Variants in SCN8A observed in about 807,000 individuals in gnomAD.
SCN8A encodes the protein sodium voltage-gated channel alpha subunit 8.
SCN8A carries 30 observed loss-of-function variants against 184.1 expected under a neutral mutation model. The observed-to-expected ratio is 0.16, with a 90% CI of 0.12 to 0.22. SCN8A has a LOEUF of 0.22. Ranked by LOEUF, SCN8A falls within the 10% of genes least tolerant of loss-of-function variation. The pLI is 1.00. For missense variants in SCN8A, 1,057 were observed against 2,498.9 expected (o/e 0.42, Z 12.30); for synonymous variants, 852 against 907.0 (o/e 0.94, Z 1.09).
rs1328800141 is a variant in SCN8A, at chr12:51,747,081, C to CTGTGTG, written c.2131+1048_2131+1053dup. Among the ~76,000 whole-genome samples the CTGTGTG allele has an allele frequency of 1.1e-3, 102 of 90,628 alleles. 1 individual carries two copies. The highest frequency in any genetic ancestry group is 6.8e-3 in the East Asian group (22 of 3,220). The allele number at this position is 90,628 out of a possible 152,430, so 59.5% of individuals were successfully genotyped here. The stretch of plus-strand genomic sequence containing the variant: ...ATTTAAACCCAGTGCCACTTCTACT[C>CTGTGTG]TGTGTGTATGTGTGTGTGTGTGTGT... On this transcript the variant is annotated intron_variant, in intron 13 of 26. Coordinates refer to ENST00000627620, the MANE Select transcript of SCN8A (RefSeq NM_001330260.2).
chr12:51,770,506 C>G, intron 18 of SCN8A, 23 bp from the exon 19 acceptor site: 1 of 1,559,578 alleles, frequency 6.4e-7, no homozygotes, highest in Non-Finnish European at 8.7e-7. Flanking sequence ...CACGGTCTGA[C>G]CCGCCTCTCC....
chr12:51,706,694 GAAA>G lies in SCN8A; in HGVS notation c.1615_1617del (p.Lys539del), dbSNP rs1372634228. 6.5e-7 allele frequency: 1 copy of G among 1,545,054 alleles called. No homozygotes were observed. Among genetic ancestry groups the G allele is most frequent in the Non-Finnish European group, 8.7e-7 (1 of 1,151,352 alleles). On this transcript the variant is annotated inframe_deletion, in exon 11 of 27. Coordinates refer to ENST00000627620, the MANE Select transcript of SCN8A (RefSeq NM_001330260.2). Reference sequence around the variant, plus strand: ...GGCTGCCAGACAACAGAATAGGGAGGAAATTTTCCATCATGAATCAGGTAAACT... The same window carrying G: ...GGCTGCCAGACAACAGAATAGGGAGGTTTTCCATCATGAATCAGGTAAACT...
In SCN8A at chr12:51,684,286, T is replaced by C. The variant is rs1302611294; in HGVS notation, c.389T>C (p.Ile130Thr). 2.8e-6 allele frequency: 4 copies of C among 1,454,530 alleles called. No individual in the cohort carries two copies. The highest frequency in any genetic ancestry group is 3.9e-6 in the Non-Finnish European group (4 of 1,034,498). The allele number at this position is 1,454,530 out of a possible 1,614,324, so 90.1% of individuals were successfully genotyped here. A position where few individuals can be genotyped will look rare whatever the true frequency, so the allele number is the denominator to read the frequency against. Residue 130 changes from isoleucine to threonine, a missense_variant, in exon 3 of 27, where the codon ATA becomes ACA. Around this residue, in one of 19 missense-constraint regions of SCN8A, gnomAD observed 66 missense variants for 276.4 expected, o/e 0.24. Coordinates refer to ENST00000627620, the MANE Select transcript of SCN8A (RefSeq NM_001330260.2). ...LIRRIAIKIL[I>T]HSVFSMIIMC... ...AGAAGAATAGCTATTAAAATTTTGA[T>C]ACATTCATATCCTTTTCGGCAAATG...
At chr12:51,700,169 T>TC (rs1941661441) in intron 7 of SCN8A, among the ~76,000 whole-genome samples, 3 of 114,142 alleles carry the variant, frequency 2.6e-5, no homozygotes, top group Non-Finnish European at 5.4e-5. Flanking sequence ...AAACTCCATC[T>TC]CAAAAAAAAA....
At position 51,689,096 on chromosome 12, in the gene SCN8A, G is replaced by C; in HGVS notation, c.706G>C (p.Gly236Arg). The stretch of plus-strand genomic sequence containing the variant: ...TTTGAAAACTATCTCTGTAATTCCA[G>C]GTGAGAAAATTTGTACATAAGACTG... ...RALKTISVIP[G>R]LKTIVGALIQ... is the part of the protein sequence containing the mutation. Residue 236 changes from glycine (G) to arginine (R), a missense_variant and splice_region_variant, in exon 6 of 27, where the codon GGC becomes CGC. Around this residue, in one of 19 missense-constraint regions of SCN8A, gnomAD observed 66 missense variants for 276.4 expected, o/e 0.24. Coordinates refer to ENST00000627620, the MANE Select transcript of SCN8A (RefSeq NM_001330260.2). The C allele has an allele frequency of 6.2e-7, 1 of 1,604,900 alleles. No individual in the cohort carries two copies. The highest frequency in any genetic ancestry group is 8.5e-7 in the Non-Finnish European group (1 of 1,175,086).
At chr12:51,686,235 G>C in intron 3 of SCN8A, 133 bp from the exon 4 acceptor site, 1 of 663,536 alleles carries the variant, frequency 1.5e-6, no homozygotes, top group South Asian at 1.8e-5. Context: ...TTGTCACCTT[G>C]CATTTTTCTC....
chr12:51,765,220 T>C (rs1371455880), intron 15 of SCN8A, among the ~76,000 whole-genome samples: 1 of 152,036 alleles, frequency 6.6e-6, no homozygotes, highest in Non-Finnish European at 1.5e-5. Flanking sequence ...GCAAAATAGG[T>C]ATTTAGAATT....
chr12:51,705,334 T>C lies in SCN8A; in HGVS notation c.1135-83T>C, dbSNP rs1941764873. ...CTGTACAAAATGCAAATAGTGCCCTTACAGAGGAACTTGGCCCATTAGCTG... is the reference window on the plus strand; with the variant it reads ...CTGTACAAAATGCAAATAGTGCCCTCACAGAGGAACTTGGCCCATTAGCTG... On this transcript the variant is annotated intron_variant, in intron 9 of 26. Transcript: ENST00000627620. 3.8e-6 allele frequency: 5 copies of C among 1,303,762 alleles called. No individual in the cohort carries two copies. The Admixed American group carries it at 9.5e-5, about 25-fold the overall frequency. The allele number at this position is 1,303,762 out of a possible 1,614,324, so 80.8% of individuals were successfully genotyped here.
At chr12:51,599,584 G>A (rs546747874) in intron 1 of SCN8A, among the ~76,000 whole-genome samples, 35 of 152,262 alleles carry the variant, frequency 2.3e-4, no homozygotes, top group African/African-American at 7.9e-4. Flanking sequence ...TTCATAACAT[G>A]GAGAATGTAG....
chr12:51,702,754 C>G lies in SCN8A; in HGVS notation c.993-19C>G, dbSNP rs747934147. On this transcript the variant is annotated intron_variant, in intron 8 of 26. Coordinates refer to ENST00000627620, the MANE Select transcript of SCN8A (RefSeq NM_001330260.2). Reference sequence around the variant, plus strand: ...TGGAATTATGTTGAAAAGTCCTGAACTTCCCTTTCTTTCTTTAGGCAATGC... The same window carrying G: ...TGGAATTATGTTGAAAAGTCCTGAAGTTCCCTTTCTTTCTTTAGGCAATGC... 1 of 1,561,962 alleles carries G rather than the reference C, an allele frequency of 6.4e-7. No homozygotes were observed. Among genetic ancestry groups the G allele is most frequent in the Non-Finnish European group, 8.7e-7 (1 of 1,152,668 alleles).
rs576362165 is a variant in SCN8A at position 51,706,554 on chromosome 12, C to T, written c.1474C>T (p.Arg492Cys). 2.5e-5 allele frequency: 40 copies of T among 1,607,420 alleles called. No individual in the cohort carries two copies. Among genetic ancestry groups the T allele is most frequent in the Admixed American group, 5.1e-5 (3 of 59,054 alleles). The change falls in exon 11 of 27, where the codon CGT (arginine) becomes TGT (cysteine). Residue 492 changes from arginine to cysteine, a missense_variant. Transcript: ENST00000627620. ...CAGCTCAAAGAGTGCAAAGGAAAGA[C>T]GTAACAGGAGAAAGAAGAGGAAGCA... Reference protein sequence around the residue: ...KLSSKSAKERRNRRKKRKQKE... With the variant: ...KLSSKSAKERCNRRKKRKQKE...
intron 26 of SCN8A, among the ~76,000 whole-genome samples, chr12:51,800,440 G>A (rs1338083297): frequency 6.6e-6 from 1 of 152,186 alleles, no homozygotes; most frequent in African/African-American, 2.4e-5. Context: ...CCTTGATGGT[G>A]GCACTAATCT....
chr12:51,714,637 GA>G, intron 11 of SCN8A, among the ~76,000 whole-genome samples: 1 of 152,214 alleles, frequency 6.6e-6, no homozygotes, highest in African/African-American at 2.4e-5. Context: ...ATACTAGAAA[GA>G]AAAAGTGAAA....
At chr12:51,786,338 A>G (rs1938083816) in intron 21 of SCN8A, among the ~76,000 whole-genome samples, 1 of 152,238 alleles carries the variant, frequency 6.6e-6, no homozygotes, top group Non-Finnish European at 1.5e-5. Context: ...ATAAAGGTGT[A>G]ACTTTTTAAA....
At chr12:51,762,186 T>C (rs1408694940) in intron 14 of SCN8A, among the ~76,000 whole-genome samples, 1 of 152,174 alleles carries the variant, frequency 6.6e-6, no homozygotes, top group Non-Finnish European at 1.5e-5. Flanking sequence ...CTGCTGACCC[T>C]TTGAAAGGAG....
chr12:51,596,829 C>A (rs1255442967), intron 1 of SCN8A, among the ~76,000 whole-genome samples: 1 of 152,150 alleles, frequency 6.6e-6, no homozygotes, highest in Non-Finnish European at 1.5e-5. Context: ...CATGTAAACA[C>A]ATATACTTGG....
chr12:51,705,758 A>G (rs940096653), intron 10 of SCN8A, 135 bp downstream of exon 10: 2 of 750,110 alleles, frequency 2.7e-6, no homozygotes, highest in Non-Finnish European at 4.2e-6. Flanking sequence ...AAATAACCCA[A>G]GTAACAACTG....
intron 20 of SCN8A, chr12:51,780,132 A>G (rs898315014): frequency 5.0e-5 from 21 of 415,916 alleles, no homozygotes; most frequent in African/African-American, 3.5e-4. Flanking sequence ...TTGGAAAGCC[A>G]ATGGTGAATG....
intron 1 of SCN8A, among the ~76,000 whole-genome samples, chr12:51,660,411 G>A (rs1311488749): frequency 1.3e-5 from 2 of 152,212 alleles, no homozygotes; most frequent in African/African-American, 4.8e-5. Context: ...TGTCCTCTGC[G>A]TAGGAACAGA....
Sources: gnomAD v4.1 joint callset for allele counts (sites outside exome capture counted in the v4.1 genomes callset) on GRCh38, gnomAD v4.1.1 for gene constraint, gnomAD v4.1.1 regional missense constraint, MANE v1.5 for transcripts, NCBI Gene and HGNC (gene_info 2026-07-23, HGNC 2026-07-21) for gene names.